Variants in RAB3B observed in about 807,000 individuals in gnomAD.
RAB3B encodes the protein ras-related protein Rab-3B.
In RAB3B, 11 loss-of-function variants were observed where a neutral mutation model predicts 20.5. The observed-to-expected ratio is 0.54, with a 90% CI of 0.34 to 0.89. RAB3B has a LOEUF of 0.89. Among genes scored for constraint, RAB3B ranks in the 40% least tolerant of loss-of-function variants. RAB3B has a pLI of 0.02. For synonymous variants in RAB3B, 99 were observed against 106.3 expected (o/e 0.93, Z 0.42); for missense variants, 225 against 280.9 (o/e 0.80, Z 1.42).
chr1:51,948,523 A>C (rs1160104369), intron 2 of RAB3B, among the ~76,000 whole-genome samples: 1 of 152,270 alleles, frequency 6.6e-6, no homozygotes, highest in Non-Finnish European at 1.5e-5. Flanking sequence ...AAACAGATGA[A>C]TACAAGCCGG....
In RAB3B at chr1:51,918,620, A is replaced by T. The variant is rs1684120960; in HGVS notation, c.*1307T>A. 1 of 152,234 alleles carries T rather than the reference A, an allele frequency of 6.6e-6. No homozygotes were observed. The highest frequency in any genetic ancestry group is 1.5e-5 in the Non-Finnish European group (1 of 68,042). The allele number at this position is 152,234 out of a possible 1,614,324, so 9.4% of individuals were successfully genotyped here. A position where few individuals can be genotyped will look rare whatever the true frequency, so the allele number is the denominator to read the frequency against. On this transcript the variant is annotated 3_prime_UTR_variant, in exon 5 of 5. Transcript: ENST00000371655. ...GTTGACAAAGATGGTGTGGAAAATG[A>T]GCTCCTGTCCCTGCCTAGAAGGTGT...
At chr1:51,953,517 T>C (rs1684667677) in intron 2 of RAB3B, among the ~76,000 whole-genome samples, 1 of 152,192 alleles carries the variant, frequency 6.6e-6, no homozygotes, top group African/African-American at 2.4e-5. Flanking sequence ...CAAAAACTAA[T>C]GGTAGGCCAG....
rs1683977370 is a variant in RAB3B at position 51,910,189 on chromosome 1, G to A, written c.*9738C>T. The stretch of plus-strand genomic sequence containing the variant: ...TTATGACCTTCTGAAACCTCATCCT[G>A]TGGTCTGATGTCTACAGGGGTTGGA... On this transcript the variant is annotated 3_prime_UTR_variant, in exon 5 of 5. Coordinates refer to ENST00000371655, the MANE Select transcript of RAB3B (RefSeq NM_002867.4). The A allele has an allele frequency of 1.3e-5, 2 of 152,114 alleles. No individual in the cohort carries two copies. Among genetic ancestry groups the A allele is most frequent in the South Asian group, 2.1e-4 (1 of 4,830 alleles). 9.4% of individuals were successfully genotyped at this position (152,114 alleles called of 1,614,324 possible). A position where few individuals can be genotyped will look rare whatever the true frequency, so the allele number is the denominator to read the frequency against.
chr1:51,931,610 AC>A (rs1684324644), intron 4 of RAB3B, among the ~76,000 whole-genome samples: 1 of 152,220 alleles, frequency 6.6e-6, no homozygotes, highest in Non-Finnish European at 1.5e-5. Flanking sequence ...AGGCACAAAG[AC>A]AAACAAGATT....
chr1:51,932,623 T>C (rs1369540370), intron 4 of RAB3B, among the ~76,000 whole-genome samples: 1 of 152,206 alleles, frequency 6.6e-6, no homozygotes, highest in Non-Finnish European at 1.5e-5. Context: ...AATTGTGTTT[T>C]GGTGAGAAGC....
chr1:51,931,173 C>A (rs17106883), intron 4 of RAB3B, among the ~76,000 whole-genome samples: 1,924 of 152,276 alleles, frequency 0.013, 45 homozygotes, highest in African/African-American at 0.044. Flanking sequence ...CAGACTCACA[C>A]CATCCAGTGA....
At position 51,957,619 on chromosome 1, in the gene RAB3B, G is replaced by A. The variant is rs1177387210; in HGVS notation, c.228+19271C>T. Among the ~76,000 whole-genome samples the A allele has an allele frequency of 5.9e-5, 9 of 152,208 alleles. No homozygotes were observed. In the South Asian group the frequency reaches 1.0e-3, roughly 18 times the overall value. ...GGGAGGATAAAGTAAGATAAGTGTT[G>A]TGACAGTGTGTTGGTAAAGTTCTGT... On this transcript the variant is annotated intron_variant, in intron 2 of 4. Coordinates refer to ENST00000371655, the MANE Select transcript of RAB3B (RefSeq NM_002867.4).
In RAB3B at chr1:51,923,921, C is replaced by T. The variant is rs140875246; in HGVS notation, c.473-3807G>A. Among the ~76,000 whole-genome samples the T allele has an allele frequency of 2.0e-5, 3 of 152,264 alleles. No individual in the cohort carries two copies. In the East Asian group the frequency reaches 5.8e-4, roughly 29 times the overall value. On this transcript the variant is annotated intron_variant, in intron 4 of 4. Coordinates refer to ENST00000371655, the MANE Select transcript of RAB3B (RefSeq NM_002867.4). ...CTTCACCTAACTTCTTCTCATTCTTCAGGACTCAGCTTACATATGGTATCT... is the reference window on the plus strand; with the variant it reads ...CTTCACCTAACTTCTTCTCATTCTTTAGGACTCAGCTTACATATGGTATCT...
chr1:51,985,336 G>C (rs1685138551), intron 1 of RAB3B, among the ~76,000 whole-genome samples: 1 of 152,080 alleles, frequency 6.6e-6, no homozygotes, highest in Non-Finnish European at 1.5e-5. Flanking sequence ...CTTACATCTG[G>C]TCAACGCTAG....
At chr1:51,951,821 T>A (rs1684646248) in intron 2 of RAB3B, among the ~76,000 whole-genome samples, 1 of 151,992 alleles carries the variant, frequency 6.6e-6, no homozygotes. Context: ...CTCAAAAAAA[T>A]AAATAAGTAA....
intron 3 of RAB3B, 79 bp downstream of exon 3, chr1:51,937,215 G>A (rs1684417495): frequency 1.8e-6 from 2 of 1,140,838 alleles, no homozygotes; most frequent in African/African-American, 1.6e-5. Flanking sequence ...GGCTTCCCCA[G>A]CACACAATAC....
At chr1:51,955,691 C>T (rs1054119754) in intron 2 of RAB3B, among the ~76,000 whole-genome samples, 1 of 152,146 alleles carries the variant, frequency 6.6e-6, no homozygotes, top group Non-Finnish European at 1.5e-5. Context: ...TAAGCCACTG[C>T]GCCTGGCCCC....
At position 51,977,135 on chromosome 1, in the gene RAB3B, AGTCACTCAGGAACAGACCTTCGGT is replaced by A. The variant is rs775083359; in HGVS notation, c.1-42_1-19del. ...GAAGCCATCTGCAAGAGAGACCTAGAGTCACTCAGGAACAGACCTTCGGTGTCACCCTGAGTCACCATCCTTCTA... is the reference window on the plus strand; with the variant it reads ...GAAGCCATCTGCAAGAGAGACCTAGAGTCACCCTGAGTCACCATCCTTCTA... On this transcript the variant is annotated intron_variant, in intron 1 of 4. Coordinates refer to ENST00000371655, the MANE Select transcript of RAB3B (RefSeq NM_002867.4). 2.9e-5 allele frequency: 46 copies of A among 1,604,284 alleles called. No individual in the cohort carries two copies. In the African/African-American group the frequency reaches 5.7e-4, roughly 20 times the overall value.
chr1:51,976,227 A>G (rs905393138), intron 2 of RAB3B, among the ~76,000 whole-genome samples: 5 of 151,922 alleles, frequency 3.3e-5, no homozygotes, highest in Non-Finnish European at 5.9e-5. Context: ...GTGCAGTGGC[A>G]TGATCATGGC....
chr1:51,911,922 A>G lies in RAB3B; in HGVS notation c.*8005T>C, dbSNP rs1684003583. ...GGGAGTAGTAGTACTACTAAAGAAG[A>G]GATTACTATTTCTGGAAGAAACAAG... On this transcript the variant is annotated 3_prime_UTR_variant, in exon 5 of 5. Transcript: ENST00000371655. The G allele has an allele frequency of 6.6e-6, 1 of 151,688 alleles. No homozygotes were observed. The highest frequency in any genetic ancestry group is 2.4e-5 in the African/African-American group (1 of 41,056). 9.4% of individuals were successfully genotyped at this position (151,688 alleles called of 1,614,324 possible).
intron 1 of RAB3B, among the ~76,000 whole-genome samples, chr1:51,987,402 C>T (rs1269782111): frequency 6.6e-6 from 1 of 152,160 alleles, no homozygotes; most frequent in Non-Finnish European, 1.5e-5. Flanking sequence ...ATAAAAGGAG[C>T]TCATAAAATG....
chr1:51,923,813 G>T (rs575151211), intron 4 of RAB3B, among the ~76,000 whole-genome samples: 154 of 151,968 alleles, frequency 1.0e-3, no homozygotes, highest in African/African-American at 3.5e-3. Context: ...AGGCAGGAAG[G>T]TTGCTTAAGG....
intron 2 of RAB3B, among the ~76,000 whole-genome samples, chr1:51,953,314 T>A (rs114536712): frequency 9.2e-4 from 140 of 151,744 alleles, no homozygotes; most frequent in African/African-American, 3.1e-3. Flanking sequence ...CTCACCCAAC[T>A]CCCCTTTGAG....
chr1:51,923,369 G>A (rs1464695385), intron 4 of RAB3B, among the ~76,000 whole-genome samples: 1 of 152,146 alleles, frequency 6.6e-6, no homozygotes, highest in Non-Finnish European at 1.5e-5. Context: ...AGGCTGGCAG[G>A]GAAGGAGAGG....
Sources: gnomAD v4.1 joint callset for allele counts (sites outside exome capture counted in the v4.1 genomes callset) on GRCh38, gnomAD v4.1.1 for gene constraint, MANE v1.5 for transcripts, NCBI Gene and HGNC (gene_info 2026-07-23, HGNC 2026-07-21) for gene names.